Variants in DMD observed in about 807,000 individuals in gnomAD.
DMD encodes the protein mutant dystrophin.
A neutral mutation model predicts 330.1 loss-of-function variants in DMD; 63 were observed. The ratio of observed to expected loss-of-function variants is 0.19; its 90% CI spans 0.16 to 0.24. The LOEUF is 0.24. Ranked by LOEUF, DMD falls within the 10% of genes least tolerant of loss-of-function variation. The pLI is 1.00. For synonymous variants in DMD, 1,223 were observed against 959.8 expected (o/e 1.27, Z -5.07); for missense variants, 3,344 against 2,684.1 (o/e 1.25, Z -5.43).
At chrX:31,386,958 A>G (rs1402860046) in intron 60 of DMD, among the ~76,000 whole-genome samples, 3 of 111,608 alleles carry the variant, frequency 2.7e-5, no homozygotes, top group Admixed American at 9.5e-5. Flanking sequence ...CCTTGGGAAT[A>G]TTGCTCTTTT....
chrX:32,472,086 A>G, intron 22 of DMD, 78 bp downstream of exon 22: 3 of 1,115,209 alleles, frequency 2.7e-6, no homozygotes, highest in Non-Finnish European at 3.7e-6. Flanking sequence ...CTTAAATTCT[A>G]ATATTATTTA....
rs1206504072 is a variant in DMD, at chrX:31,594,948, T to C, written c.8217+32725A>G. ...GAAGAGTTTTTAATTATTTAATGTGTTTATCGTATTATAAAACATTGATCA... is the reference window on the plus strand; with the variant it reads ...GAAGAGTTTTTAATTATTTAATGTGCTTATCGTATTATAAAACATTGATCA... On this transcript the variant is annotated intron_variant, in intron 55 of 78. Coordinates refer to ENST00000357033, the MANE Select transcript of DMD (RefSeq NM_004006.3). Among the ~76,000 whole-genome samples, 20 of 111,778 alleles carry C rather than the reference T, an allele frequency of 1.8e-4. No homozygotes were observed. The Admixed American group carries it at 1.9e-3, about 11-fold the overall frequency.
intron 77 of DMD, among the ~76,000 whole-genome samples, chrX:31,133,557 T>G (rs1167324771): frequency 3.6e-5 from 4 of 112,125 alleles, no homozygotes; most frequent in African/African-American, 1.3e-4. Context: ...CTGTATTTCC[T>G]CTATCGAAGT....
chrX:32,628,513 G>A (rs1179303209), intron 11 of DMD, among the ~76,000 whole-genome samples: 2 of 107,812 alleles, frequency 1.9e-5, no homozygotes, highest in Non-Finnish European at 3.8e-5. Flanking sequence ...GTACTTTAAT[G>A]TATTTCAGCT....
intron 18 of DMD, among the ~76,000 whole-genome samples, chrX:32,506,259 G>C (rs1191769045): frequency 9.1e-6 from 1 of 110,441 alleles, no homozygotes; most frequent in African/African-American, 3.3e-5. Flanking sequence ...AGTGGGGCAG[G>C]CTATGTATCT....
intron 19 of DMD, among the ~76,000 whole-genome samples, chrX:32,498,313 T>C (rs1376671295): frequency 8.9e-6 from 1 of 111,838 alleles, no homozygotes; most frequent in East Asian, 2.8e-4. Context: ...ATAAGAACAG[T>C]AAATTAATTT....
At chrX:32,312,942 C>CAAAA (rs767993498) in intron 41 of DMD, among the ~76,000 whole-genome samples, 229 of 20,372 alleles carry the variant, frequency 0.011, 44 homozygotes, top group South Asian at 0.024. Flanking sequence ...GCCTACGAAC[C>CAAAA]AAAAAAAAAA....
intron 44 of DMD, among the ~76,000 whole-genome samples, chrX:32,104,780 C>T (rs1212979489): frequency 9.0e-6 from 1 of 111,147 alleles, no homozygotes; most frequent in African/African-American, 3.3e-5. Flanking sequence ...TTCAAATGTC[C>T]CCTGAATATA....
chrX:32,645,223 G>A (rs1446862553), intron 9 of DMD, 71 bp from the exon 10 acceptor site: 1 of 1,068,451 alleles, frequency 9.4e-7, no homozygotes, highest in Non-Finnish European at 1.3e-6. Context: ...ATTAAATGAT[G>A]AATCGAATGA....
At chrX:32,385,049 A>G (rs1331292603) in intron 33 of DMD, among the ~76,000 whole-genome samples, 4 of 111,136 alleles carry the variant, frequency 3.6e-5, no homozygotes, top group Non-Finnish European at 7.6e-5. Flanking sequence ...GATGTAGAAG[A>G]AAGAATCCCA....
chrX:31,126,800 C>T, intron 77 of DMD, 127 bp from the exon 78 acceptor site: 1 of 237,395 alleles, frequency 4.2e-6, no homozygotes, highest in South Asian at 6.1e-5. Context: ...TTATTCTCTG[C>T]TGGAAAAAAA....
At chrX:32,503,782 C>A (rs941660639) in intron 18 of DMD, among the ~76,000 whole-genome samples, 5 of 111,114 alleles carry the variant, frequency 4.5e-5, no homozygotes, top group African/African-American at 1.6e-4. Flanking sequence ...TCTCAAACTC[C>A]TGACCTCATC....
At chrX:31,761,318 G>T in intron 51 of DMD, among the ~76,000 whole-genome samples, 1 of 110,941 alleles carries the variant, frequency 9.0e-6, no homozygotes, top group Non-Finnish European at 1.9e-5. Flanking sequence ...TTGGGCCATG[G>T]GGTGGTGCTG....
intron 12 of DMD, among the ~76,000 whole-genome samples, chrX:32,612,974 A>C (rs747959658): frequency 9.0e-5 from 10 of 111,509 alleles, no homozygotes; most frequent in Non-Finnish European, 1.9e-4. Context: ...AGAACTGTAA[A>C]GCTATATATG....
chrX:32,731,069 C>A (rs776614386), intron 7 of DMD, among the ~76,000 whole-genome samples: 1 of 111,677 alleles, frequency 9.0e-6, no homozygotes, highest in Non-Finnish European at 1.9e-5. Context: ...GTGCGCGACC[C>A]GAAGCAGGGT....
chrX:31,784,737 T>C (rs2091206292), intron 50 of DMD, among the ~76,000 whole-genome samples: 1 of 112,068 alleles, frequency 8.9e-6, no homozygotes, highest in South Asian at 3.7e-4. Context: ...AAATAATTGA[T>C]ACTCTACTAT....
At chrX:33,318,805 A>C (rs1195751090) in intron 1 of DMD, among the ~76,000 whole-genome samples, 3 of 110,688 alleles carry the variant, frequency 2.7e-5, no homozygotes, top group African/African-American at 9.9e-5. Flanking sequence ...GCCTTACCAC[A>C]TTCCAAAATC....
At chrX:32,504,583 C>T (rs1432248146) in intron 18 of DMD, among the ~76,000 whole-genome samples, 3 of 111,357 alleles carry the variant, frequency 2.7e-5, no homozygotes, top group Non-Finnish European at 3.8e-5. Flanking sequence ...GCCGAGATCA[C>T]ACCATTGCAC....
chrX:32,050,938 A>G (rs2062949995), intron 44 of DMD, among the ~76,000 whole-genome samples: 1 of 104,304 alleles, frequency 9.6e-6, no homozygotes, highest in African/African-American at 3.7e-5. Context: ...TCCTTGAAAT[A>G]TGTATTTCAT....
Sources: allele counts gnomAD v4.1 joint callset (sites outside exome capture counted in the v4.1 genomes callset), GRCh38; gene constraint gnomAD v4.1.1; transcripts MANE v1.5; gene names NCBI Gene and HGNC (gene_info 2026-07-23, HGNC 2026-07-21).